The following FAM210A variants were observed in gnomAD, a reference collection of about 807,000 sequenced individuals.
The protein encoded by FAM210A is mitochondrial inner membrane scaffold 1.
A neutral mutation model predicts 25.3 loss-of-function variants in FAM210A; 13 were observed. The ratio of observed to expected loss-of-function variants is 0.51; its 90% CI spans 0.33 to 0.82. FAM210A has a LOEUF of 0.82. Ranked by LOEUF, FAM210A falls within the 40% of genes least tolerant of loss-of-function variation. FAM210A has a pLI of 0.02. For synonymous variants in FAM210A, 125 were observed against 118.7 expected (o/e 1.05, Z -0.35); for missense variants, 319 against 323.2 (o/e 0.99, Z 0.10).
chr18:13,694,224 G>C (rs2043673861), intron 1 of FAM210A, among the ~76,000 whole-genome samples: 1 of 152,016 alleles, frequency 6.6e-6, no homozygotes, highest in South Asian at 2.1e-4. Context: ...CGAAATAAAA[G>C]AGGACACAAA....
At chr18:13,692,274 G>A (rs1261473161) in intron 1 of FAM210A, among the ~76,000 whole-genome samples, 1 of 152,014 alleles carries the variant, frequency 6.6e-6, no homozygotes, top group East Asian at 1.9e-4. Flanking sequence ...CCTACAAAGA[G>A]ACTTAGACTC....
At chr18:13,714,089 C>T (rs1380324331) in intron 1 of FAM210A, among the ~76,000 whole-genome samples, 1 of 152,188 alleles carries the variant, frequency 6.6e-6, no homozygotes, top group African/African-American at 2.4e-5. Context: ...TGACCCCCTA[C>T]CAAAGGGTGG....
intron 3 of FAM210A, among the ~76,000 whole-genome samples, chr18:13,666,958 A>C (rs1411851723): frequency 6.6e-6 from 1 of 152,194 alleles, no homozygotes; most frequent in Admixed American, 6.5e-5. Flanking sequence ...GAATCATAGC[A>C]CTGATGTCCC....
chr18:13,716,004 CCACTA>C (rs2043859052), intron 1 of FAM210A, among the ~76,000 whole-genome samples: 1 of 152,150 alleles, frequency 6.6e-6, no homozygotes, highest in South Asian at 2.1e-4. Flanking sequence ...AATAAGGTAG[CCACTA>C]CACACAGCTG....
At chr18:13,666,806 C>G (rs1568473577) in intron 3 of FAM210A, 93 bp from the exon 4 acceptor site, 6 of 1,138,144 alleles carry the variant, frequency 5.3e-6, no homozygotes, top group Non-Finnish European at 7.5e-6. Context: ...TTGGTAATAA[C>G]CCATCAGAAT....
chr18:13,705,871 T>C (rs2043774514), intron 1 of FAM210A, among the ~76,000 whole-genome samples: 1 of 152,252 alleles, frequency 6.6e-6, no homozygotes, highest in East Asian at 1.9e-4. Context: ...ATGGGTCATT[T>C]AAACATTTGT....
intron 1 of FAM210A, among the ~76,000 whole-genome samples, chr18:13,689,281 G>T (rs371575153): frequency 1.3e-5 from 2 of 152,084 alleles, no homozygotes; most frequent in Admixed American, 1.3e-4. Context: ...GCACGCCTTC[G>T]AGATGGCCCA....
At chr18:13,672,464 A>C (rs2043451523) in intron 2 of FAM210A, among the ~76,000 whole-genome samples, 1 of 152,176 alleles carries the variant, frequency 6.6e-6, no homozygotes, top group Non-Finnish European at 1.5e-5. Context: ...GCTGGAGTGC[A>C]GTGGCGCAAT....
At chr18:13,675,179 C>T (rs185055747) in intron 2 of FAM210A, among the ~76,000 whole-genome samples, 2,522 of 128,124 alleles carry the variant, frequency 0.02, 56 homozygotes, top group Admixed American at 0.043. Context: ...TCTTTATTTC[C>T]TGTTTCCTGA....
chr18:13,717,039 T>C (rs918247151), intron 1 of FAM210A, among the ~76,000 whole-genome samples: 2 of 152,178 alleles, frequency 1.3e-5, no homozygotes. Context: ...CTCTTTATTG[T>C]TAATGCCAAC....
In FAM210A at chr18:13,666,166, T is replaced by C. The variant is rs1601936398; in HGVS notation, c.*314A>G. ...GAGTCAGCTGCCTAGTATGTGTCAA[T>C]TACAGCTGCAACAAAACAGAAATCA... On this transcript the variant is annotated 3_prime_UTR_variant, in exon 4 of 4. Coordinates refer to ENST00000651643, the MANE Select transcript of FAM210A (RefSeq NM_152352.4). 6.9e-6 allele frequency: 2 copies of C among 289,758 alleles called. No homozygotes were observed. Among genetic ancestry groups the C allele is most frequent in the East Asian group, 1.6e-4 (2 of 12,814 alleles). 17.9% of individuals were successfully genotyped at this position (289,758 alleles called of 1,614,324 possible). A position where few individuals can be genotyped will look rare whatever the true frequency, so the allele number is the denominator to read the frequency against.
At chr18:13,709,139 T>C (rs2187027) in intron 1 of FAM210A, among the ~76,000 whole-genome samples, 55 of 152,308 alleles carry the variant, frequency 3.6e-4, no homozygotes, top group African/African-American at 1.2e-3. Flanking sequence ...CCTTTCCAAA[T>C]CTCTTCAAGC....
intron 2 of FAM210A, among the ~76,000 whole-genome samples, chr18:13,680,069 G>A (rs2043538813): frequency 6.6e-6 from 1 of 152,162 alleles, no homozygotes; most frequent in African/African-American, 2.4e-5. Context: ...TCATACATGG[G>A]CAACCTGACG....
chr18:13,706,548 C>T (rs947445431), intron 1 of FAM210A, among the ~76,000 whole-genome samples: 1 of 152,304 alleles, frequency 6.6e-6, no homozygotes, highest in East Asian at 1.9e-4. Flanking sequence ...CTCCTCTTAA[C>T]CCACATAGGT....
intron 1 of FAM210A, among the ~76,000 whole-genome samples, chr18:13,721,845 C>G (rs2043900146): frequency 6.6e-6 from 1 of 152,138 alleles, no homozygotes; most frequent in African/African-American, 2.4e-5. Flanking sequence ...CTTAAGAGTT[C>G]AGTAATCTGT....
chr18:13,671,885 G>A lies in FAM210A; in HGVS notation c.562C>T (p.Leu188Phe). Reference protein sequence around the residue: ...ILKNSQSGNALTAYALFKIAT... With the variant: ...ILKNSQSGNAFTAYALFKIAT... ...ACCTTAAACAAGGCATATGCTGTGA[G>A]GGCATTTCCACTCTGGGAGTTTTTC... The change falls in exon 3 of 4, where the codon CTC becomes TTC. Residue 188 changes from leucine (L) to phenylalanine (F), a missense_variant. Coordinates refer to ENST00000651643, the MANE Select transcript of FAM210A (RefSeq NM_152352.4). 2 of 1,613,166 alleles carry A rather than the reference G, an allele frequency of 1.2e-6. No individual in the cohort carries two copies. Among genetic ancestry groups the A allele is most frequent in the Non-Finnish European group, 8.5e-7 (1 of 1,179,446 alleles).
At chr18:13,677,326 G>T (rs1016178346) in intron 2 of FAM210A, among the ~76,000 whole-genome samples, 1 of 152,014 alleles carries the variant, frequency 6.6e-6, no homozygotes, top group Admixed American at 6.6e-5. Context: ...CGCCCACCTC[G>T]GCCTCCCAAA....
intron 1 of FAM210A, among the ~76,000 whole-genome samples, chr18:13,718,631 A>G (rs11080683): frequency 0.11 from 16,088 of 152,184 alleles, 932 homozygotes; most frequent in South Asian, 0.14. Flanking sequence ...AAGGATTGAG[A>G]GCCAAACTAT....
intron 1 of FAM210A, among the ~76,000 whole-genome samples, chr18:13,702,796 G>A (rs564671986): frequency 4.7e-4 from 72 of 152,240 alleles, no homozygotes; most frequent in Non-Finnish European, 6.9e-4. Context: ...CTTCATAACT[G>A]TTACCATTTG....
Sources: allele counts gnomAD v4.1 joint callset (sites outside exome capture counted in the v4.1 genomes callset), GRCh38; gene constraint gnomAD v4.1.1; transcripts MANE v1.5; gene names NCBI Gene and HGNC (gene_info 2026-07-23, HGNC 2026-07-21).